NSMCE2: variants seen among roughly 807,000 people sequenced by gnomAD.
NSMCE2 encodes the protein NSE2 SUMO ligase component of SMC5/6 complex.
NSMCE2 carries 24 observed loss-of-function variants against 23.8 expected under a neutral mutation model. The ratio of observed to expected loss-of-function variants is 1.01; its 90% confidence interval spans 0.73 to 1.42. The LOEUF is 1.42. Among genes scored for constraint, NSMCE2 ranks in the 40% most tolerant of loss-of-function variants. The pLI is 0.00. For synonymous variants in NSMCE2, 92 were observed against 94.1 expected, an observed-to-expected ratio of 0.98 and a Z score of 0.13; for missense variants, 284 against 296.5, an observed-to-expected ratio of 0.96 and a Z score of 0.31.
At chr8:125,181,679 T>C (rs1822819716) in intron 4 of NSMCE2, among the ~76,000 whole-genome samples, 2 of 151,422 alleles carry the variant, frequency 1.3e-5, no homozygotes, top group African/African-American at 4.9e-5. Context: ...GAAGTGACTC[T>C]GACCTGCTAG....
At chr8:125,218,724 T>A (rs1347839576) in intron 5 of NSMCE2, among the ~76,000 whole-genome samples, 1 of 152,150 alleles carries the variant, frequency 6.6e-6, no homozygotes, top group Non-Finnish European at 1.5e-5. Context: ...AAGTTGAGAT[T>A]TGTAAAAAAT....
At chr8:125,120,346 C>T (rs1187567059) in intron 3 of NSMCE2, among the ~76,000 whole-genome samples, 1 of 152,130 alleles carries the variant, frequency 6.6e-6, no homozygotes, top group Non-Finnish European at 1.5e-5. Flanking sequence ...GTCGGTAAAA[C>T]GAGTTATTAT....
At chr8:125,098,399 C>T (rs1490822686) in intron 1 of NSMCE2, among the ~76,000 whole-genome samples, 4 of 152,100 alleles carry the variant, frequency 2.6e-5, no homozygotes, top group African/African-American at 9.7e-5. Context: ...GCTCTTTGGC[C>T]ATTACTCCCG....
At position 125,254,367 on chromosome 8, in the gene NSMCE2, G is replaced by GT. The variant is rs769799922; in HGVS notation, c.418+72112dup. ...GTCATCAAATAGTTGAATTACAATGGTAGCTGTAAACGGGACCCAATTTAC... is the reference window on the plus strand; with the variant it reads ...GTCATCAAATAGTTGAATTACAATGGTTAGCTGTAAACGGGACCCAATTTAC... On this transcript the variant is annotated intron_variant, in intron 5 of 7. Transcript: ENST00000287437. Among the ~76,000 whole-genome samples the GT allele has an allele frequency of 5.6e-3, 847 of 152,314 alleles. 26 individuals carry two copies. Among genetic ancestry groups the GT allele is most frequent in the Non-Finnish European group, 8.1e-4 (55 of 68,032 alleles).
rs1454276198 is a variant in NSMCE2 at position 125,232,359 on chromosome 8, G to A, written c.418+50103G>A. Among the ~76,000 whole-genome samples, 7 of 149,476 alleles carry A rather than the reference G, an allele frequency of 4.7e-5. No homozygotes were observed. The East Asian group carries it at 1.2e-3, about 25-fold the overall frequency. ...GCCTGGGCAACAAGAGTGAAACTCC[G>A]TCTCAAAAAAAAAAAGAAAGAAAGA... On this transcript the variant is annotated intron_variant, in intron 5 of 7. Transcript: ENST00000287437.
chr8:125,327,123 C>T (rs992016527), intron 5 of NSMCE2, among the ~76,000 whole-genome samples: 11 of 149,896 alleles, frequency 7.3e-5, no homozygotes, highest in African/African-American at 1.5e-4. Context: ...AAAAATTAGC[C>T]GGCGTGGTGG....
intron 4 of NSMCE2, among the ~76,000 whole-genome samples, chr8:125,171,372 A>G (rs1185445363): frequency 6.6e-6 from 1 of 152,208 alleles, no homozygotes; most frequent in South Asian, 2.1e-4. Flanking sequence ...GTAGTATGTC[A>G]TGGACTTAGC....
intron 5 of NSMCE2, among the ~76,000 whole-genome samples, chr8:125,210,264 T>C (rs1300761848): frequency 1.3e-5 from 2 of 152,260 alleles, no homozygotes; most frequent in African/African-American, 4.8e-5. Context: ...GTAAATGTTA[T>C]GTGTTAGCTA....
At chr8:125,248,897 C>T (rs184300068) in intron 5 of NSMCE2, among the ~76,000 whole-genome samples, 3 of 151,886 alleles carry the variant, frequency 2.0e-5, no homozygotes, top group South Asian at 4.2e-4. Context: ...CAGCCAGGCA[C>T]GGTGGCTCAT....
At chr8:125,145,152 A>C (rs1820605072) in intron 3 of NSMCE2, among the ~76,000 whole-genome samples, 1 of 152,174 alleles carries the variant, frequency 6.6e-6, no homozygotes. Context: ...GAAAAAGCAA[A>C]ATGAAATAGA....
intron 3 of NSMCE2, among the ~76,000 whole-genome samples, chr8:125,140,881 TCA>T (rs979400722): frequency 6.6e-6 from 1 of 152,100 alleles, no homozygotes; most frequent in African/African-American, 2.4e-5. Flanking sequence ...GGCCTTAAAT[TCA>T]CAGTTTCTTT....
At chr8:125,185,836 C>T (rs1053306299) in intron 5 of NSMCE2, among the ~76,000 whole-genome samples, 1 of 152,096 alleles carries the variant, frequency 6.6e-6, no homozygotes, top group Non-Finnish European at 1.5e-5. Flanking sequence ...ACATTTTTGT[C>T]AATCTCTTCA....
At chr8:125,126,825 C>T (rs1819539368) in intron 3 of NSMCE2, 1 of 152,210 alleles carries the variant, frequency 6.6e-6, no homozygotes, top group Non-Finnish European at 1.5e-5. Flanking sequence ...TACCCACACA[C>T]ATCTCCCTTA....
chr8:125,365,372 C>T (rs1187343651), intron 7 of NSMCE2, among the ~76,000 whole-genome samples: 1 of 152,174 alleles, frequency 6.6e-6, no homozygotes, highest in Non-Finnish European at 1.5e-5. Flanking sequence ...GATCGCCATA[C>T]CACCCTCAGC....
intron 4 of NSMCE2, among the ~76,000 whole-genome samples, chr8:125,157,385 G>A (rs934193488): frequency 1.3e-5 from 2 of 152,168 alleles, no homozygotes; most frequent in Non-Finnish European, 1.5e-5. Context: ...AGTTATATGT[G>A]AGCTTTTCAT....
intron 1 of NSMCE2, among the ~76,000 whole-genome samples, chr8:125,096,695 C>T (rs1817953870): frequency 7.6e-6 from 1 of 131,484 alleles, no homozygotes; most frequent in Non-Finnish European, 1.5e-5. Flanking sequence ...ACTGCAACTG[C>T]TGCCTCCAGG....
intron 5 of NSMCE2, among the ~76,000 whole-genome samples, chr8:125,237,557 T>C (rs1208648548): frequency 6.6e-6 from 1 of 152,218 alleles, no homozygotes; most frequent in Non-Finnish European, 1.5e-5. Context: ...AGCTTCCCTC[T>C]GGAAACTGCC....
intron 5 of NSMCE2, among the ~76,000 whole-genome samples, chr8:125,345,191 C>T (rs1393264661): frequency 6.0e-5 from 9 of 150,520 alleles, no homozygotes; most frequent in South Asian, 4.1e-4. Flanking sequence ...GATCTAAATA[C>T]GTATGTGGAG....
At chr8:125,162,579 A>G (rs930978148) in intron 4 of NSMCE2, among the ~76,000 whole-genome samples, 13 of 152,132 alleles carry the variant, frequency 8.5e-5, no homozygotes, top group Non-Finnish European at 1.3e-4. Flanking sequence ...CAGCTTAGTA[A>G]TAATATCTGC....
Sources: allele counts gnomAD v4.1 joint callset (sites outside exome capture counted in the v4.1 genomes callset), GRCh38; gene constraint gnomAD v4.1.1; transcripts MANE v1.5; gene names NCBI Gene and HGNC (gene_info 2026-07-23, HGNC 2026-07-21).